EFCAB6: variants seen among roughly 807,000 people sequenced by gnomAD.
The protein encoded by EFCAB6 is EF-hand calcium-binding domain-containing protein 6.
Under a neutral mutation model 169.8 loss-of-function variants are expected in EFCAB6, and 156 were observed. That is an observed-to-expected ratio of 0.92 (90% CI 0.81 to 1.05). The LOEUF (loss-of-function observed/expected upper bound fraction) is 1.05, where lower values mean the gene tolerates loss of function less well. EFCAB6 is among the 50% of genes least tolerant of loss of function. The pLI is 0.00. For synonymous variants in EFCAB6, 698 were observed against 676.4 expected (o/e 1.03, Z -0.50); for missense variants, 1,800 against 1,829.1 (o/e 0.98, Z 0.29).
intron 17 of EFCAB6, among the ~76,000 whole-genome samples, chr22:43,645,157 C>G (rs998173495): frequency 6.6e-6 from 1 of 152,222 alleles, no homozygotes; most frequent in Non-Finnish European, 1.5e-5. Flanking sequence ...TCCTTATTCA[C>G]TCTTTATTTG....
chr22:43,801,739 AG>A (rs1336232518), intron 2 of EFCAB6, among the ~76,000 whole-genome samples: 3 of 152,370 alleles, frequency 2.0e-5, no homozygotes, highest in African/African-American at 7.2e-5. Flanking sequence ...AAACCTAAAA[AG>A]CAATGGACTA....
chr22:43,701,045 A>G (rs2058748147), intron 10 of EFCAB6, among the ~76,000 whole-genome samples: 1 of 152,232 alleles, frequency 6.6e-6, no homozygotes. Context: ...GTCCTGGTAA[A>G]TCAACAAAAT....
chr22:43,612,622 T>C (rs1038387787), intron 21 of EFCAB6, among the ~76,000 whole-genome samples: 1 of 152,184 alleles, frequency 6.6e-6, no homozygotes, highest in African/African-American at 2.4e-5. Context: ...CCAGGTGTGG[T>C]GGCTCACACC....
Position 43,672,015 on chromosome 22 carries a change from A to G in EFCAB6, c.1598T>C (p.Met533Thr). 1 of 1,614,178 alleles carries G rather than the reference A, an allele frequency of 6.2e-7. No individual in the cohort carries two copies. Among genetic ancestry groups the G allele is most frequent in the Non-Finnish European group, 8.5e-7 (1 of 1,180,008 alleles). The part of the protein sequence containing the change: ...RIGRNNFKKI[M>T]HVFCPFLTNA... ...CGTTAAAAATGGACAGAAGACGTGC[A>G]TGATTTTCTTGAAATTATTTCGGCC... is the stretch of plus-strand genomic sequence containing the variant. The change falls in exon 15 of 32, where the codon ATG becomes ACG. Residue 533 changes from methionine (M) to threonine (T), a missense_variant. Met to Thr is a moderately conservative substitution (Grantham distance 81, BLOSUM62 -1). Transcript: ENST00000262726.
chr22:43,631,608 C>G (rs28637564), intron 19 of EFCAB6, among the ~76,000 whole-genome samples: 7,103 of 152,056 alleles, frequency 0.047, 247 homozygotes, highest in African/African-American at 0.077. Context: ...TGCTCCAGTT[C>G]CTTCGACAAC....
intron 5 of EFCAB6, among the ~76,000 whole-genome samples, chr22:43,758,616 T>C (rs1020799065): frequency 1.3e-5 from 2 of 152,202 alleles, no homozygotes; most frequent in Admixed American, 6.5e-5. Flanking sequence ...CCACCTTATA[T>C]AGCCAAAAAT....
intron 29 of EFCAB6, chr22:43,535,173 G>A: frequency 3.5e-6 from 1 of 289,222 alleles, no homozygotes; most frequent in Non-Finnish European, 6.4e-6. Flanking sequence ...GTAAGGGGGT[G>A]TTCCCCGCCG....
At chr22:43,652,827 A>G (rs2056542068) in intron 17 of EFCAB6, among the ~76,000 whole-genome samples, 1 of 152,172 alleles carries the variant, frequency 6.6e-6, no homozygotes, top group Non-Finnish European at 1.5e-5. Context: ...AGAAAAAAAA[A>G]AGCTATGAAT....
chr22:43,565,306 C>T (rs186640488), intron 26 of EFCAB6, among the ~76,000 whole-genome samples: 2 of 152,230 alleles, frequency 1.3e-5, no homozygotes, highest in African/African-American at 4.8e-5. Flanking sequence ...TCAGCCCCCA[C>T]AGCTGTGAAA....
chr22:43,673,091 C>G (rs1405377417), intron 13 of EFCAB6, among the ~76,000 whole-genome samples: 1 of 152,142 alleles, frequency 6.6e-6, no homozygotes, highest in Non-Finnish European at 1.5e-5. Flanking sequence ...ATCTAACTTT[C>G]TGGAAGGTAT....
At chr22:43,727,292 T>C (rs1042461566) in intron 8 of EFCAB6, among the ~76,000 whole-genome samples, 1 of 152,060 alleles carries the variant, frequency 6.6e-6, no homozygotes, top group Non-Finnish European at 1.5e-5. Context: ...TAGCCAGGCA[T>C]AGTGGCATGC....
intron 11 of EFCAB6, among the ~76,000 whole-genome samples, chr22:43,684,509 G>C (rs1461384272): frequency 1.3e-5 from 2 of 152,110 alleles, no homozygotes; most frequent in African/African-American, 4.8e-5. Flanking sequence ...ATATACCATT[G>C]GGTGCTTCTC....
chr22:43,574,949 A>G (rs2147244674), intron 26 of EFCAB6, among the ~76,000 whole-genome samples: 1 of 152,258 alleles, frequency 6.6e-6, no homozygotes, highest in Admixed American at 6.5e-5. Context: ...CACTTAGGAG[A>G]ATGCTGGCCG....
intron 8 of EFCAB6, among the ~76,000 whole-genome samples, chr22:43,717,758 A>T (rs1479391275): frequency 6.6e-6 from 1 of 152,186 alleles, no homozygotes; most frequent in African/African-American, 2.4e-5. Flanking sequence ...TTTTGTACTC[A>T]TGGCATAATA....
Position 43,590,241 on chromosome 22 carries a change from T to G in EFCAB6, c.2877-12A>C. 6.2e-7 allele frequency: 1 copy of G among 1,610,276 alleles called. No individual in the cohort carries two copies. Among genetic ancestry groups the G allele is most frequent in the Non-Finnish European group, 8.5e-7 (1 of 1,178,426 alleles). ...CCATAAGCTTATCCCTGAAAGAGAGTACATTGCAGACATACCCTAAAATCA... is the reference window on the plus strand; with the variant it reads ...CCATAAGCTTATCCCTGAAAGAGAGGACATTGCAGACATACCCTAAAATCA... On this transcript the variant is annotated splice_polypyrimidine_tract_variant and intron_variant, in intron 23 of 31. Transcript: ENST00000262726.
intron 31 of EFCAB6, chr22:43,530,436 G>T: frequency 2.3e-6 from 2 of 867,860 alleles, no homozygotes; most frequent in Non-Finnish European, 2.8e-6. Context: ...CCCTTGGAAG[G>T]TCCAACATAG....
chr22:43,794,740 A>G (rs2062436564), intron 2 of EFCAB6, among the ~76,000 whole-genome samples: 1 of 152,178 alleles, frequency 6.6e-6, no homozygotes, highest in African/African-American at 2.4e-5. Context: ...TGCCACCAAC[A>G]TTTGAAGACC....
intron 10 of EFCAB6, among the ~76,000 whole-genome samples, chr22:43,698,594 A>C (rs1259535697): frequency 6.6e-6 from 1 of 152,226 alleles, no homozygotes; most frequent in African/African-American, 2.4e-5. Context: ...GAATGGTTGA[A>C]TACTTTGCTG....
At chr22:43,631,804 G>A (rs1005118499) in intron 19 of EFCAB6, among the ~76,000 whole-genome samples, 1 of 151,992 alleles carries the variant, frequency 6.6e-6, no homozygotes, top group Admixed American at 6.5e-5. Flanking sequence ...GGATGAACGC[G>A]TTTCAAAGTC....
Sources: gnomAD v4.1 joint callset for allele counts (sites outside exome capture counted in the v4.1 genomes callset) on GRCh38, gnomAD v4.1.1 for gene constraint, MANE v1.5 for transcripts, NCBI Gene and HGNC (gene_info 2026-07-23, HGNC 2026-07-21) for gene names.